The following BTBD10 variants were observed in gnomAD, a reference collection of about 807,000 sequenced individuals.
The protein encoded by BTBD10 is BTB/POZ domain-containing protein 10.
Under a neutral mutation model 53.2 loss-of-function variants are expected in BTBD10, and 21 were observed. The ratio of observed to expected loss-of-function variants is 0.39; its 90% CI spans 0.28 to 0.57. The LOEUF is 0.57. Ranked by LOEUF, BTBD10 falls within the 20% of genes least tolerant of loss-of-function variation. The pLI, the probability that BTBD10 is intolerant of heterozygous loss-of-function variation, is 0.53. For synonymous variants in BTBD10, 149 were observed against 192.7 expected, an observed-to-expected ratio of 0.77 and a Z score of 1.88; for missense variants, 360 against 594.7, an observed-to-expected ratio of 0.61 and a Z score of 4.10.
At chr11:13,413,673 A>G (rs747222079) in intron 5 of BTBD10, 23 bp from the exon 6 acceptor site, 2 of 1,598,934 alleles carry the variant, frequency 1.3e-6, no homozygotes, top group African/African-American at 1.3e-5. Context: ...AAGTAAAGAA[A>G]GCATAAAATA....
intron 8 of BTBD10, among the ~76,000 whole-genome samples, chr11:13,393,310 T>G (rs1168968734): frequency 6.6e-6 from 1 of 152,190 alleles, no homozygotes; most frequent in East Asian, 1.9e-4. Context: ...CCAAGTTCTC[T>G]CTGGTCCTCC....
intron 1 of BTBD10, among the ~76,000 whole-genome samples, chr11:13,460,878 AC>A (rs1839509042): frequency 6.6e-6 from 1 of 152,244 alleles, no homozygotes; most frequent in Non-Finnish European, 1.5e-5. Flanking sequence ...AGCTGCAAAT[AC>A]AATAAAGAGC....
At chr11:13,439,751 T>A (rs1337180459) in intron 2 of BTBD10, 10 of 661,118 alleles carry the variant, frequency 1.5e-5, no homozygotes, top group Non-Finnish European at 2.1e-5. Context: ...ATCAGACATA[T>A]GATCTTTATC....
Position 13,421,646 on chromosome 11 carries a change from A to G in BTBD10, c.294T>C (p.His98=). The part of the protein sequence containing the change: ...RNVTSPTRQH[H]VEREKDHSSS... ...AGGTTAGTTGATTTTACATACCAAC[A>G]TGGTGCTGTCGTGTTGGAGAAGTCA... Residue 98 remains histidine (H), a synonymous_variant, in exon 3 of 9, where the codon CAT becomes CAC. Transcript: ENST00000278174. 1 of 1,612,142 alleles carries G rather than the reference A, an allele frequency of 6.2e-7. No individual in the cohort carries two copies. Among genetic ancestry groups the G allele is most frequent in the Non-Finnish European group, 8.5e-7 (1 of 1,179,106 alleles).
At chr11:13,394,385 C>A (rs1949483165) in intron 8 of BTBD10, among the ~76,000 whole-genome samples, 1 of 152,146 alleles carries the variant, frequency 6.6e-6, no homozygotes, top group African/African-American at 2.4e-5. Flanking sequence ...CTCTCTCCTG[C>A]CACCATGTGA....
chr11:13,435,186 A>C (rs1950524495), intron 2 of BTBD10, among the ~76,000 whole-genome samples: 1 of 151,970 alleles, frequency 6.6e-6, no homozygotes, highest in African/African-American at 2.4e-5. Context: ...AAATTTTTTA[A>C]AAATAGCTAG....
intron 1 of BTBD10, among the ~76,000 whole-genome samples, chr11:13,447,641 A>G (rs1399285566): frequency 6.6e-6 from 1 of 152,160 alleles, no homozygotes; most frequent in Non-Finnish European, 1.5e-5. Flanking sequence ...TGTTTTCCTA[A>G]TCAATCCTAT....
At chr11:13,425,336 T>C (rs1474797125) in intron 2 of BTBD10, among the ~76,000 whole-genome samples, 2 of 152,196 alleles carry the variant, frequency 1.3e-5, no homozygotes, top group East Asian at 1.9e-4. Context: ...TGTTTCCCTA[T>C]AGCTAAATCC....
chr11:13,415,333 T>C (rs1269744528), intron 5 of BTBD10, among the ~76,000 whole-genome samples: 1 of 152,098 alleles, frequency 6.6e-6, no homozygotes, highest in African/African-American at 2.4e-5. Context: ...TGAAAGCAGA[T>C]TGTTGGCAAA....
intron 7 of BTBD10, among the ~76,000 whole-genome samples, chr11:13,404,358 A>G (rs1233693473): frequency 6.6e-6 from 1 of 152,202 alleles, no homozygotes; most frequent in East Asian, 1.9e-4. Context: ...AAGATAAAAA[A>G]CAAGAAAACA....
At chr11:13,410,387 A>G (rs1949916931) in intron 6 of BTBD10, among the ~76,000 whole-genome samples, 2 of 152,166 alleles carry the variant, frequency 1.3e-5, no homozygotes, top group South Asian at 4.1e-4. Context: ...TAACATCGTA[A>G]TTAAGCCTAA....
chr11:13,458,360 C>A (rs968020113), intron 1 of BTBD10, among the ~76,000 whole-genome samples: 3 of 151,990 alleles, frequency 2.0e-5, no homozygotes, highest in Non-Finnish European at 4.4e-5. Flanking sequence ...CACACACACA[C>A]GAAATGGAAA....
intron 6 of BTBD10, among the ~76,000 whole-genome samples, chr11:13,412,955 GT>G (rs1302465541): frequency 6.6e-6 from 1 of 152,210 alleles, no homozygotes; most frequent in Non-Finnish European, 1.5e-5. Flanking sequence ...TGAAGAAGTA[GT>G]GAGAGAAGAA....
intron 4 of BTBD10, among the ~76,000 whole-genome samples, chr11:13,417,895 T>C (rs1022175637): frequency 6.3e-4 from 96 of 152,310 alleles, no homozygotes; most frequent in Middle Eastern, 3.4e-3. Context: ...AAAGCTCTTA[T>C]GTAAGAAAAT....
chr11:13,416,562 C>A (rs1950118567), intron 5 of BTBD10, among the ~76,000 whole-genome samples: 1 of 152,086 alleles, frequency 6.6e-6, no homozygotes, highest in Non-Finnish European at 1.5e-5. Flanking sequence ...GTAAATATGA[C>A]TCCAGAAATG....
At chr11:13,448,199 G>C (rs1385376050) in intron 1 of BTBD10, among the ~76,000 whole-genome samples, 1 of 151,960 alleles carries the variant, frequency 6.6e-6, no homozygotes, top group Non-Finnish European at 1.5e-5. Context: ...TCTTAGAAAG[G>C]GGAAAAAAGA....
intron 6 of BTBD10, among the ~76,000 whole-genome samples, chr11:13,407,523 A>C (rs1949858211): frequency 6.6e-6 from 1 of 152,220 alleles, no homozygotes; most frequent in Non-Finnish European, 1.5e-5. Flanking sequence ...GGGAACTTAA[A>C]TGTTAGTATA....
chr11:13,437,650 T>C (rs939580586), intron 2 of BTBD10, among the ~76,000 whole-genome samples: 1 of 152,210 alleles, frequency 6.6e-6, no homozygotes, highest in African/African-American at 2.4e-5. Flanking sequence ...TATTATAGCG[T>C]TGCTAGTCTA....
chr11:13,409,908 C>T (rs768848814), intron 6 of BTBD10, among the ~76,000 whole-genome samples: 17 of 151,898 alleles, frequency 1.1e-4, no homozygotes, highest in African/African-American at 1.7e-4. Flanking sequence ...GAAGAGGGGA[C>T]GAAAGGACAA....
Sources: gnomAD v4.1 joint callset for allele counts (sites outside exome capture counted in the v4.1 genomes callset) on GRCh38, gnomAD v4.1.1 for gene constraint, MANE v1.5 for transcripts, NCBI Gene and HGNC (gene_info 2026-07-23, HGNC 2026-07-21) for gene names.